Variants in ANO1 observed in about 807,000 individuals in gnomAD.
The protein encoded by ANO1 is anoctamin-1.
A neutral mutation model predicts 124.0 loss-of-function variants in ANO1; 59 were observed. The ratio of observed to expected loss-of-function variants is 0.48; its 90% CI spans 0.39 to 0.59. The LOEUF (loss-of-function observed/expected upper bound fraction) is 0.59. Among genes scored for constraint, ANO1 ranks in the 20% least tolerant of loss-of-function variants. ANO1 has a pLI of 0.00. For synonymous variants in ANO1, 529 were observed against 532.0 expected (o/e 0.99, Z 0.08); for missense variants, 1,059 against 1,328.0 (o/e 0.80, Z 3.15).
chr11:70,103,082 T>C lies in ANO1; in HGVS notation c.458T>C (p.Val153Ala). The C allele has an allele frequency of 8.7e-6, 14 of 1,611,164 alleles. No individual in the cohort carries two copies. The highest frequency in any genetic ancestry group is 1.2e-5 in the Non-Finnish European group (14 of 1,178,954). ...ERDEDTKIHG[V>A]GFVKIHAPWN... ...TCTCTCCAGACTAAAATCCACGGAGTCGGGTTTGTGAAAATCCATGCCCCC... is the reference window on the plus strand; with the variant it reads ...TCTCTCCAGACTAAAATCCACGGAGCCGGGTTTGTGAAAATCCATGCCCCC... Residue 153 changes from valine (V) to alanine (A), a missense_variant, in exon 3 of 26, where the codon GTC becomes GCC. Physicochemically the swap from Val to Ala is moderately conservative, Grantham distance 64. Transcript: ENST00000355303.
At chr11:69,976,507 TAAAAAAAAAAAAAAAA>T in the ANO1 span, among the ~76,000 whole-genome samples, 4 of 74,498 alleles carry the variant, frequency 5.4e-5, no homozygotes, top group African/African-American at 1.3e-4. Context: ...ACTCCGTCTC[TAAAAAAAAAAAAAAAA>T]AAAAAAAAAA....
At chr11:70,015,129 T>C (rs1306535223) in intron 1 of ANO1, 8 of 152,168 alleles carry the variant, frequency 5.3e-5, no homozygotes, top group Non-Finnish European at 1.0e-4. Flanking sequence ...TTTGTGCTAG[T>C]GTCCATCTCT....
At chr11:69,982,151 C>T (rs1221535274), upstream of ANO1, among the ~76,000 whole-genome samples, 1 of 152,206 alleles carries the variant, frequency 6.6e-6, no homozygotes, top group Admixed American at 6.5e-5. Flanking sequence ...GAGTTGAACA[C>T]TTAAAAATGA....
intron 1 of ANO1, among the ~76,000 whole-genome samples, chr11:69,998,007 T>A (rs10793082): frequency 0.85 from 128,677 of 152,034 alleles, 55,272 homozygotes; most frequent in East Asian, 0.97. Flanking sequence ...GCCTAATACA[T>A]CCTTCCCAGA....
chr11:70,003,248 A>C (rs967783139), intron 1 of ANO1, among the ~76,000 whole-genome samples: 4 of 152,230 alleles, frequency 2.6e-5, no homozygotes, highest in African/African-American at 7.2e-5. Context: ...TAGAAAAGAC[A>C]GCTTTACTCA....
Position 70,152,479 on chromosome 11 carries a change from G to T in ANO1, c.1353+18G>T, listed in dbSNP as rs117560429. On this transcript the variant is annotated intron_variant, in intron 13 of 25. Coordinates refer to ENST00000355303, the MANE Select transcript of ANO1 (RefSeq NM_018043.7). Reference sequence around the variant, plus strand: ...CTGTCAAGGTTTGGAACTTTTTGTCGCTCCTCTATCTTCCCACAGCCTATC... The same window carrying T: ...CTGTCAAGGTTTGGAACTTTTTGTCTCTCCTCTATCTTCCCACAGCCTATC... The T allele has an allele frequency of 1.6e-5, 25 of 1,611,374 alleles. No homozygotes were observed. The highest frequency in any genetic ancestry group is 2.1e-5 in the Non-Finnish European group (25 of 1,178,534).
intron 25 of ANO1, among the ~76,000 whole-genome samples, chr11:70,185,938 G>A (rs1484375320): frequency 1.3e-5 from 2 of 152,142 alleles, no homozygotes; most frequent in African/African-American, 2.4e-5. Context: ...GATGAGCACC[G>A]GCAGAAGGGT....
At chr11:70,125,745 G>C (rs960850567) in intron 9 of ANO1, among the ~76,000 whole-genome samples, 2 of 151,214 alleles carry the variant, frequency 1.3e-5, no homozygotes, top group Non-Finnish European at 1.5e-5. Context: ...TCGGGAGGCT[G>C]AGGCAGGAGA....
chr11:70,061,114 G>T (rs544528351), intron 1 of ANO1, among the ~76,000 whole-genome samples: 11 of 152,172 alleles, frequency 7.2e-5, no homozygotes, highest in African/African-American at 2.6e-4. Context: ...GTGCAGGAAG[G>T]GTGCATGTAT....
intron 1 of ANO1, among the ~76,000 whole-genome samples, chr11:70,029,034 G>A (rs1856956234): frequency 1.3e-5 from 2 of 152,080 alleles, no homozygotes; most frequent in African/African-American, 2.4e-5. Context: ...CACCCACCTC[G>A]GCCTCCGAAA....
chr11:70,165,512 A>G lies in ANO1; in HGVS notation c.1993A>G (p.Ser665Gly). ...CCTGATGGAGCTATGCATCCAGCTC[A>G]GCATCATCATGCTGGGGAAACAGCT... ...GCLMELCIQL[S>G]IIMLGKQLIQ... The change falls in exon 20 of 26, where the codon AGC becomes GGC. Residue 665 changes from serine to glycine, a missense_variant. Physicochemically the swap from Ser to Gly is moderately conservative, Grantham distance 56. Transcript: ENST00000355303. The G allele has an allele frequency of 6.2e-7, 1 of 1,612,362 alleles. No homozygotes were observed.
At chr11:70,062,207 G>C (rs1555007865) in intron 1 of ANO1, among the ~76,000 whole-genome samples, 1 of 150,464 alleles carries the variant, frequency 6.6e-6, no homozygotes, top group African/African-American at 2.4e-5. Flanking sequence ...CTCCCAAGTA[G>C]CTGGAATTAC....
At chr11:70,026,162 G>A (rs1247118284) in intron 1 of ANO1, among the ~76,000 whole-genome samples, 4 of 144,930 alleles carry the variant, frequency 2.8e-5, no homozygotes, top group Admixed American at 2.7e-4. Flanking sequence ...GATGATGATG[G>A]TGATGATGGT....
chr11:70,144,416 C>A (rs951738911), intron 11 of ANO1, among the ~76,000 whole-genome samples: 1 of 152,228 alleles, frequency 6.6e-6, no homozygotes, highest in Non-Finnish European at 1.5e-5. Context: ...CCCTCTCAGG[C>A]AGGCACTGGT....
chr11:70,168,867 C>T (rs188830202), intron 21 of ANO1, among the ~76,000 whole-genome samples: 139 of 152,296 alleles, frequency 9.1e-4, no homozygotes, highest in Middle Eastern at 3.4e-3. Flanking sequence ...GCTCCTGGCT[C>T]CCCAGACAAT....
rs576202689 is a variant in ANO1, at chr11:70,109,390, A to G, written c.799+986A>G. On this transcript the variant is annotated intron_variant, in intron 6 of 25. Transcript: ENST00000355303. Reference sequence around the variant, plus strand: ...AGCTCTGGTGGCTGCTTGGCCCCAGACCATATGGCCTGTGTTCACTCACAG... The same window carrying G: ...AGCTCTGGTGGCTGCTTGGCCCCAGGCCATATGGCCTGTGTTCACTCACAG... 1.7e-3 allele frequency among the ~76,000 whole-genome samples: 258 copies of G among 151,388 alleles called. 1 individual carries two copies. The highest frequency in any genetic ancestry group is 6.0e-3 in the African/African-American group (247 of 41,174).
chr11:70,170,085 T>A (rs1384291187), intron 21 of ANO1: 1 of 451,140 alleles, frequency 2.2e-6, no homozygotes, highest in Admixed American at 2.4e-5. Flanking sequence ...GGCGAGGGAC[T>A]GTCCTGGGCA....
chr11:70,128,836 G>A (rs1375955878), intron 10 of ANO1, among the ~76,000 whole-genome samples: 1 of 152,266 alleles, frequency 6.6e-6, no homozygotes, highest in African/African-American at 2.4e-5. Context: ...TTGGGCTGAT[G>A]GTGTTTGTGC....
intron 1 of ANO1, among the ~76,000 whole-genome samples, chr11:70,033,471 G>C (rs1857040379): frequency 6.6e-6 from 1 of 152,214 alleles, no homozygotes; most frequent in Non-Finnish European, 1.5e-5. Flanking sequence ...CCAGGCTCCT[G>C]CCTTGGGTCT....
Sources: allele counts gnomAD v4.1 joint callset (sites outside exome capture counted in the v4.1 genomes callset), GRCh38; gene constraint gnomAD v4.1.1; transcripts MANE v1.5; gene names NCBI Gene and HGNC (gene_info 2026-07-23, HGNC 2026-07-21).